The following CASZ1 variants were observed in gnomAD, a reference collection of about 807,000 sequenced individuals.
CASZ1 encodes zinc finger protein castor homolog 1.
In CASZ1, 28 loss-of-function variants were observed where a neutral mutation model predicts 135.2. The ratio of observed to expected loss-of-function variants is 0.21; its 90% CI spans 0.15 to 0.28. The LOEUF is 0.28. Among genes scored for constraint, CASZ1 ranks in the 10% least tolerant of loss-of-function variants. CASZ1 has a pLI of 1.00. For synonymous variants in CASZ1, 1,068 were observed against 1,073.4 expected, an observed-to-expected ratio of 0.99 and a Z score of 0.10; for missense variants, 2,161 against 2,453.3, an observed-to-expected ratio of 0.88 and a Z score of 2.52.
Position 10,666,581 on chromosome 1 carries a change from A to G in CASZ1, c.17-1010T>C, listed in dbSNP as rs1436238420. On this transcript the variant is annotated intron_variant, in intron 4 of 20. Coordinates refer to ENST00000377022, the MANE Select transcript of CASZ1 (RefSeq NM_001079843.3). This position sits in a 1 kb window ranked among gnomAD's most constrained non-coding sequence, Gnocchi z 5.2. ...CACGGAACGCCCCGAAGCGCCGGTC[A>G]CAGCACCTAATCCCCGAATGTGACA... Among the ~76,000 whole-genome samples the G allele has an allele frequency of 1.3e-5, 2 of 152,178 alleles. No homozygotes were observed. The highest frequency in any genetic ancestry group is 2.9e-5 in the Non-Finnish European group (2 of 68,030).
At position 10,660,539 on chromosome 1, in the gene CASZ1, G is replaced by A. The variant is rs1399651810; in HGVS notation, c.506-3C>T. 1.9e-6 allele frequency: 3 copies of A among 1,609,346 alleles called. No homozygotes were observed. Among genetic ancestry groups the A allele is most frequent in the Non-Finnish European group, 2.5e-6 (3 of 1,178,958 alleles). On this transcript the variant is annotated splice_region_variant and splice_polypyrimidine_tract_variant and intron_variant, in intron 5 of 20. Coordinates refer to ENST00000377022, the MANE Select transcript of CASZ1 (RefSeq NM_001079843.3). The stretch of plus-strand genomic sequence containing the variant: ...GTCCCGCAGCGAGGAGGCCTCTCCT[G>A]CAGAGGAGGATGGGGGCGCATCACC...
At chr1:10,643,055 A>AT (rs1280667248) in intron 19 of CASZ1, 55 bp from the exon 20 acceptor site, 4 of 1,595,860 alleles carry the variant, frequency 2.5e-6, no homozygotes. Flanking sequence ...TGCTGCCCAC[A>AT]GAGGGCAGGC....
At chr1:10,675,709 C>G (rs1248041695) in intron 4 of CASZ1, among the ~76,000 whole-genome samples, 1 of 152,116 alleles carries the variant, frequency 6.6e-6, no homozygotes, top group African/African-American at 2.4e-5. Context: ...GCCTCTGGAT[C>G]CTGTGGCCAG....
In CASZ1 at chr1:10,660,697, A is replaced by G. The variant is rs909916244; in HGVS notation, c.506-161T>C. On this transcript the variant is annotated intron_variant, in intron 5 of 20. Coordinates refer to ENST00000377022, the MANE Select transcript of CASZ1 (RefSeq NM_001079843.3). ...TTTGGCTCACTTGTTAGGTTTTACG[A>G]CTCTTAAATTAATTTGTTTTAAAAA... 14 of 580,344 alleles carry G rather than the reference A, an allele frequency of 2.4e-5. No homozygotes were observed. In the African/African-American group the frequency reaches 2.6e-4, roughly 11 times the overall value. The allele number at this position is 580,344 out of a possible 1,614,324, so 35.9% of individuals were successfully genotyped here.
intron 1 of CASZ1, among the ~76,000 whole-genome samples, chr1:10,791,444 T>C (rs1640953555): frequency 6.6e-6 from 1 of 152,330 alleles, no homozygotes; most frequent in Admixed American, 6.5e-5. Flanking sequence ...ACAGGAGAAA[T>C]ACTTATTTTG....
intron 1 of CASZ1, among the ~76,000 whole-genome samples, chr1:10,768,903 G>A (rs1180536031): frequency 6.6e-6 from 1 of 152,220 alleles, no homozygotes; most frequent in Non-Finnish European, 1.5e-5. Context: ...CACTTTGAGA[G>A]GCAGAGGCGG....
chr1:10,771,156 G>T (rs1027253380), intron 1 of CASZ1, among the ~76,000 whole-genome samples: 1 of 152,034 alleles, frequency 6.6e-6, no homozygotes, highest in Non-Finnish European at 1.5e-5. Flanking sequence ...TCTCCATAGC[G>T]CCAAGCTGGG....
intron 1 of CASZ1, among the ~76,000 whole-genome samples, chr1:10,766,810 G>A (rs947721729): frequency 2.6e-5 from 4 of 152,216 alleles, no homozygotes; most frequent in Admixed American, 6.5e-5. Flanking sequence ...AACCTGCAAT[G>A]AAGTAGATGG....
chr1:10,676,209 G>A lies in CASZ1; in HGVS notation c.17-10638C>T, dbSNP rs763951112. Among the ~76,000 whole-genome samples, 4 of 152,286 alleles carry A rather than the reference G, an allele frequency of 2.6e-5. No individual in the cohort carries two copies. The highest frequency in any genetic ancestry group is 3.4e-3 in the Middle Eastern group (1 of 294). On this transcript the variant is annotated intron_variant, in intron 4 of 20. Transcript: ENST00000377022. This position sits in a 1 kb window ranked among gnomAD's most constrained non-coding sequence, Gnocchi z 4.5. Reference sequence around the variant, plus strand: ...GTGGTGACAAACCCATGCCAACCAAGTGACAGACACCAAGGCCCTGCTGGA... The same window carrying A: ...GTGGTGACAAACCCATGCCAACCAAATGACAGACACCAAGGCCCTGCTGGA...
chr1:10,682,998 A>C lies in CASZ1; in HGVS notation c.16+10876T>G, dbSNP rs1638477411. Among the ~76,000 whole-genome samples, 9 of 152,348 alleles carry C rather than the reference A, an allele frequency of 5.9e-5. No individual in the cohort carries two copies. The South Asian group carries it at 1.9e-3, about 32-fold the overall frequency. On this transcript the variant is annotated intron_variant, in intron 4 of 20. Transcript: ENST00000377022. ...CGGTCCTCTAACTCTGCGGGTACGCAAAGATAAATAAAGGAGAGCCCGCTC... is the reference window on the plus strand; with the variant it reads ...CGGTCCTCTAACTCTGCGGGTACGCCAAGATAAATAAAGGAGAGCCCGCTC...
chr1:10,781,349 CCTG>C (rs1389961398), intron 1 of CASZ1, among the ~76,000 whole-genome samples: 1 of 152,218 alleles, frequency 6.6e-6, no homozygotes, highest in African/African-American at 2.4e-5. Flanking sequence ...GCAAAGGCCA[CCTG>C]CTCCTGGGGA....
In CASZ1 at chr1:10,637,191, C is replaced by G. The variant is rs1341762309; in HGVS notation, c.*1751G>C. 6.6e-6 allele frequency: 1 copy of G among 151,006 alleles called. No individual in the cohort carries two copies. Among genetic ancestry groups the G allele is most frequent in the Non-Finnish European group, 1.5e-5 (1 of 67,746 alleles). The allele number at this position is 151,006 out of a possible 1,614,324, so 9.4% of individuals were successfully genotyped here. A position where few individuals can be genotyped will look rare whatever the true frequency, so the allele number is the denominator to read the frequency against. On this transcript the variant is annotated 3_prime_UTR_variant, in exon 21 of 21. Coordinates refer to ENST00000377022, the MANE Select transcript of CASZ1 (RefSeq NM_001079843.3). The stretch of plus-strand genomic sequence containing the variant: ...TGTGTGTGTGTTTTTTTTTCCTTTA[C>G]AAAACTCCTTCCACAGACGCCCGGG...
rs1639210675 is a variant in CASZ1 at position 10,707,948 on chromosome 1, A to C, written c.-76-2404T>G. Among the ~76,000 whole-genome samples, 1 of 152,012 alleles carries C rather than the reference A, an allele frequency of 6.6e-6. No individual in the cohort carries two copies. Among genetic ancestry groups the C allele is most frequent in the African/African-American group, 2.4e-5 (1 of 41,372 alleles). ...ACTCAGCGGGGCTGAAGTGAAGTGA[A>C]CTCTTCCAGGCTAAGAAAGAAAAGC... On this transcript the variant is annotated intron_variant, in intron 2 of 20. Transcript: ENST00000377022. This position sits in a 1 kb window ranked among gnomAD's most constrained non-coding sequence, Gnocchi z 5.0.
At chr1:10,710,805 G>A (rs1042178689) in intron 2 of CASZ1, among the ~76,000 whole-genome samples, 1 of 152,258 alleles carries the variant, frequency 6.6e-6, no homozygotes, top group Non-Finnish European at 1.5e-5. Flanking sequence ...CACTGTGTGC[G>A]TGACGCTGTG....
At chr1:10,651,796 T>G (rs1416859450) in intron 11 of CASZ1, 1 of 152,122 alleles carries the variant, frequency 6.6e-6, no homozygotes. Context: ...GCTGACAGAG[T>G]GCTGCTTCAG....
chr1:10,759,490 CA>C lies in CASZ1; in HGVS notation c.-77+1210del, dbSNP rs1640323010. 6.6e-6 allele frequency among the ~76,000 whole-genome samples: 1 copy of C among 152,168 alleles called. No homozygotes were observed. Among genetic ancestry groups the C allele is most frequent in the Non-Finnish European group, 1.5e-5 (1 of 68,034 alleles). ...ACCAGGAAGAAGAGTCGCAGCCACA[CA>C]GTTGCCCCACCACAGCGACCAAAGG... On this transcript the variant is annotated intron_variant, in intron 2 of 20. Coordinates refer to ENST00000377022, the MANE Select transcript of CASZ1 (RefSeq NM_001079843.3). The surrounding 1 kb of genome is among the most constrained non-coding windows in gnomAD (Gnocchi z 4.2).
In CASZ1 at chr1:10,639,503, G is replaced by A. The variant is rs372231371; in HGVS notation, c.4719C>T (p.Cys1573=). ...KYKLKCSHFH[C]TFPGCRHTVV... is the part of the protein sequence containing the mutation. ...CCGTGTGGCGGCAGCCCGGGAAGGTGCAGTGGAAGTGCGAGCACTTGAGCT... is the reference window on the plus strand; with the variant it reads ...CCGTGTGGCGGCAGCCCGGGAAGGTACAGTGGAAGTGCGAGCACTTGAGCT... Residue 1573 remains cysteine, a synonymous_variant, in exon 21 of 21, where the codon TGC becomes TGT. Transcript: ENST00000377022. This position sits in a 1 kb window ranked among gnomAD's most constrained non-coding sequence, Gnocchi z 4.0. The A allele has an allele frequency of 2.6e-5, 42 of 1,611,616 alleles. No homozygotes were observed. The highest frequency in any genetic ancestry group is 2.9e-5 in the Non-Finnish European group (34 of 1,179,564).
rs1570386642 is a variant in CASZ1 at position 10,638,057 on chromosome 1, C to T, written c.*885G>A. The T allele has an allele frequency of 6.6e-6, 1 of 152,634 alleles. No homozygotes were observed. The highest frequency in any genetic ancestry group is 2.4e-5 in the African/African-American group (1 of 41,594). 9.5% of individuals were successfully genotyped at this position (152,634 alleles called of 1,614,324 possible). ...ATCCCACAGGATAAACGGGACTGAG[C>T]CTCCAACCTCAGGCCGGGCCCAGGC... On this transcript the variant is annotated 3_prime_UTR_variant, in exon 21 of 21. Coordinates refer to ENST00000377022, the MANE Select transcript of CASZ1 (RefSeq NM_001079843.3). This position sits in a 1 kb window ranked among gnomAD's most constrained non-coding sequence, Gnocchi z 5.9.
chr1:10,643,367 C>T, intron 18 of CASZ1, 56 bp from the exon 19 acceptor site: 1 of 1,589,048 alleles, frequency 6.3e-7, no homozygotes, highest in Non-Finnish European at 8.6e-7. Flanking sequence ...CTCATGGCTT[C>T]CAGGTCCTGT....
Sources: allele counts gnomAD v4.1 joint callset (sites outside exome capture counted in the v4.1 genomes callset), GRCh38; gene constraint gnomAD v4.1.1; non-coding constraint Gnocchi (gnomAD v3.1); transcripts MANE v1.5; gene names NCBI Gene and HGNC (gene_info 2026-07-23, HGNC 2026-07-21).